The following SCTR variants were observed in gnomAD, a reference collection of about 807,000 sequenced individuals.
The protein encoded by SCTR is secretin receptor.
A neutral mutation model predicts 60.8 loss-of-function variants in SCTR; 56 were observed. The ratio of observed to expected loss-of-function variants is 0.92; its 90% confidence interval spans 0.74 to 1.15. The LOEUF is 1.15. Ranked by LOEUF, SCTR falls within the 50% of genes most tolerant of loss-of-function variation. The probability of loss-of-function intolerance (pLI) is 0.00; values close to 1 mark genes in which losing one functional copy is unlikely to be tolerated. For missense variants in SCTR, 562 were observed against 550.4 expected, an observed-to-expected ratio of 1.02 and a Z score of -0.21; for synonymous variants, 202 against 217.0, an observed-to-expected ratio of 0.93 and a Z score of 0.61.
At chr2:119,501,282 C>T (rs1678542294) in intron 1 of SCTR, among the ~76,000 whole-genome samples, 1 of 152,062 alleles carries the variant, frequency 6.6e-6, no homozygotes, top group Admixed American at 6.6e-5. Context: ...TGGTGGCAGG[C>T]ACCTGTAGTT....
At chr2:119,483,200 G>GTGTC (rs1677710821) in intron 2 of SCTR, among the ~76,000 whole-genome samples, 1 of 152,236 alleles carries the variant, frequency 6.6e-6, no homozygotes, top group African/African-American at 2.4e-5. Context: ...GGGATGCCTG[G>GTGTC]GGACAGGCCA....
intron 10 of SCTR, 49 bp downstream of exon 10, chr2:119,448,640 A>C: frequency 9.8e-7 from 1 of 1,018,868 alleles, no homozygotes; most frequent in Non-Finnish European, 1.6e-6. Flanking sequence ...GTAGGTGCTC[A>C]GTAAATGCTT....
intron 1 of SCTR, among the ~76,000 whole-genome samples, chr2:119,511,951 A>G (rs1248615360): frequency 6.6e-6 from 1 of 152,188 alleles, no homozygotes; most frequent in Non-Finnish European, 1.5e-5. Flanking sequence ...TATTGTTAAT[A>G]AGAAATCCAA....
At chr2:119,489,940 C>G (rs1375636608) in intron 2 of SCTR, among the ~76,000 whole-genome samples, 1 of 152,350 alleles carries the variant, frequency 6.6e-6, no homozygotes, top group East Asian at 1.9e-4. Flanking sequence ...ATCAGCCCCA[C>G]CAGAGACTCC....
At chr2:119,450,909 T>A (rs1683139438) in intron 9 of SCTR, among the ~76,000 whole-genome samples, 1 of 152,152 alleles carries the variant, frequency 6.6e-6, no homozygotes, top group Admixed American at 6.5e-5. Context: ...TTGCAGTGAG[T>A]CATGGGTTGC....
At chr2:119,480,336 G>A (rs1042682811) in intron 2 of SCTR, among the ~76,000 whole-genome samples, 4 of 152,162 alleles carry the variant, frequency 2.6e-5, no homozygotes, top group Admixed American at 1.3e-4. Context: ...CTTACATGGC[G>A]GTGGGCAGGA....
At chr2:119,481,518 C>T (rs986245888) in intron 2 of SCTR, among the ~76,000 whole-genome samples, 1 of 152,200 alleles carries the variant, frequency 6.6e-6, no homozygotes, top group Non-Finnish European at 1.5e-5. Context: ...TGAGAATTTC[C>T]ACTCTGAGTC....
intron 2 of SCTR, among the ~76,000 whole-genome samples, chr2:119,489,150 G>A (rs1214842361): frequency 6.6e-6 from 1 of 152,176 alleles, no homozygotes; most frequent in Non-Finnish European, 1.5e-5. Flanking sequence ...GGGAAGGCCA[G>A]GGAAGACAGG....
intron 1 of SCTR, among the ~76,000 whole-genome samples, chr2:119,522,722 C>A (rs539360022): frequency 6.6e-6 from 1 of 152,324 alleles, no homozygotes; most frequent in East Asian, 1.9e-4. Context: ...AAGAAGGAGG[C>A]TGGGAGGGTC....
intron 2 of SCTR, among the ~76,000 whole-genome samples, chr2:119,482,647 C>G (rs1219071443): frequency 6.6e-6 from 1 of 152,232 alleles, no homozygotes; most frequent in Non-Finnish European, 1.5e-5. Flanking sequence ...CCGCCACTAT[C>G]CCGAGGCTGC....
In SCTR at chr2:119,444,926, C is replaced by CAT. The variant is rs1428479214; in HGVS notation, c.1140+1832_1140+1833insAT. Among the ~76,000 whole-genome samples the CAT allele has an allele frequency of 6.8e-3, 14 of 2,072 alleles. 7 individuals carry two copies. Among genetic ancestry groups the CAT allele is most frequent in the Non-Finnish European group, 0.013 (12 of 908 alleles). The allele number at this position is 2,072 out of a possible 152,430, so 1.4% of individuals were successfully genotyped here. On this transcript the variant is annotated intron_variant, in intron 11 of 12. Transcript: ENST00000019103. ...ATATACATATATTCGTACGAATATA[C>CAT]ACATATATTCGTACGAATATATATA...
chr2:119,499,498 C>T (rs1678459891), intron 1 of SCTR, among the ~76,000 whole-genome samples: 1 of 151,914 alleles, frequency 6.6e-6, no homozygotes. Flanking sequence ...TTTAAAAGAA[C>T]TGAAATCATA....
chr2:119,446,889 G>A lies in SCTR; in HGVS notation c.1014-4C>T, dbSNP rs1377140386. 1 of 1,511,154 alleles carries A rather than the reference G, an allele frequency of 6.6e-7. No individual in the cohort carries two copies. The highest frequency in any genetic ancestry group is 8.9e-7 in the Non-Finnish European group (1 of 1,127,118). 93.6% of individuals were successfully genotyped at this position (1,511,154 alleles called of 1,614,324 possible). A position where few individuals can be genotyped will look rare whatever the true frequency, so the allele number is the denominator to read the frequency against. On this transcript the variant is annotated splice_polypyrimidine_tract_variant and splice_region_variant and intron_variant, in intron 10 of 12. Transcript: ENST00000019103. ...GAGAGTGGACCTGGCCAGGCGCCTG[G>A]GGACACAGAAAGCCTGTAGCCTCCA...
chr2:119,465,637 C>A, intron 5 of SCTR, 152 bp downstream of exon 5: 1 of 614,384 alleles, frequency 1.6e-6, no homozygotes, highest in Non-Finnish European at 3.0e-6. Context: ...GTCACAGGAA[C>A]CTCGATGTTT....
intron 1 of SCTR, among the ~76,000 whole-genome samples, chr2:119,523,716 C>T (rs1481416249): frequency 6.6e-6 from 1 of 152,030 alleles, no homozygotes; most frequent in Non-Finnish European, 1.5e-5. Flanking sequence ...ATTTTTATTC[C>T]CCCTCTCCTC....
intron 2 of SCTR, among the ~76,000 whole-genome samples, chr2:119,481,152 G>C (rs935713749): frequency 1.3e-5 from 2 of 152,252 alleles, no homozygotes; most frequent in African/African-American, 4.8e-5. Flanking sequence ...CCCCTGAATG[G>C]CAATTCTTAG....
At chr2:119,500,083 A>T (rs960141345) in intron 1 of SCTR, among the ~76,000 whole-genome samples, 14 of 152,206 alleles carry the variant, frequency 9.2e-5, no homozygotes, top group Non-Finnish European at 1.9e-4. Flanking sequence ...AAATGGCAGC[A>T]GGTATATGAA....
intron 7 of SCTR, among the ~76,000 whole-genome samples, chr2:119,461,263 C>T (rs868248257): frequency 4.6e-5 from 7 of 152,118 alleles, no homozygotes; most frequent in Non-Finnish European, 7.4e-5. Context: ...AGGAATGCAC[C>T]GTCTAAAGGC....
At chr2:119,457,437 C>T (rs1573815105) in intron 7 of SCTR, among the ~76,000 whole-genome samples, 1 of 152,070 alleles carries the variant, frequency 6.6e-6, no homozygotes, top group Non-Finnish European at 1.5e-5. Flanking sequence ...CTTGGTCAGG[C>T]GCAATGGCTC....
Sources: allele counts gnomAD v4.1 joint callset (sites outside exome capture counted in the v4.1 genomes callset), GRCh38; gene constraint gnomAD v4.1.1; transcripts MANE v1.5; gene names NCBI Gene and HGNC (gene_info 2026-07-23, HGNC 2026-07-21).